The following TCF12 variants were observed in gnomAD, a reference collection of about 807,000 sequenced individuals.
TCF12 encodes DNA-binding protein HTF4.
In TCF12, 45 loss-of-function variants were observed where a neutral mutation model predicts 86.0. The observed-to-expected ratio is 0.52, with a 90% CI of 0.41 to 0.67. The LOEUF (loss-of-function observed/expected upper bound fraction) is 0.67. TCF12 is among the 30% of genes least tolerant of loss of function. The pLI is 0.00. For missense variants in TCF12, 881 were observed against 859.9 expected (o/e 1.02, Z -0.31); for synonymous variants, 330 against 299.6 (o/e 1.10, Z -1.05).
chr15:57,126,751 C>G (rs1299887842), intron 5 of TCF12, among the ~76,000 whole-genome samples: 1 of 152,098 alleles, frequency 6.6e-6, no homozygotes, highest in Non-Finnish European at 1.5e-5. Context: ...CAAAAGGTCA[C>G]AGTGAGGATC....
intron 3 of TCF12, among the ~76,000 whole-genome samples, chr15:57,009,450 T>A (rs1567245461): frequency 6.6e-6 from 1 of 152,136 alleles, no homozygotes; most frequent in African/African-American, 2.4e-5. Flanking sequence ...AGGTGGCTTT[T>A]AAAAAAATCC....
chr15:57,206,100 G>C (rs17820018), intron 8 of TCF12, among the ~76,000 whole-genome samples: 28,393 of 152,186 alleles, frequency 0.19, 3,268 homozygotes, highest in Non-Finnish European at 0.25. Flanking sequence ...GTGCATGTTT[G>C]TAACTCATAT....
chr15:57,216,679 G>A (rs1359431547), intron 8 of TCF12, among the ~76,000 whole-genome samples: 1 of 151,524 alleles, frequency 6.6e-6, no homozygotes, highest in African/African-American at 2.4e-5. Flanking sequence ...AAGAAATTGT[G>A]CTACAGCTGT....
intron 8 of TCF12, among the ~76,000 whole-genome samples, chr15:57,226,763 C>T (rs1394047382): frequency 6.6e-6 from 1 of 152,126 alleles, no homozygotes; most frequent in African/African-American, 2.4e-5. Context: ...TTTATACAAT[C>T]TTAAACTGCC....
chr15:57,083,011 A>G (rs1341266904), intron 4 of TCF12, among the ~76,000 whole-genome samples: 1 of 152,202 alleles, frequency 6.6e-6, no homozygotes, highest in African/African-American at 2.4e-5. Context: ...CGTTGTCAGC[A>G]TACATCAGTC....
intron 6 of TCF12, among the ~76,000 whole-genome samples, chr15:57,183,219 G>A (rs953478152): frequency 2.0e-5 from 3 of 152,138 alleles, no homozygotes; most frequent in African/African-American, 7.2e-5. Context: ...TTCATCAAGA[G>A]TCATCAGTTA....
In TCF12 at chr15:57,031,815, G is replaced by A. The variant is rs189207800; in HGVS notation, c.149-31935G>A. On this transcript the variant is annotated intron_variant, in intron 3 of 20. Transcript: ENST00000333725. ...TTAGAGAGAGTTGAGGTCATCCCTT[G>A]TTATTTTTTCTTTTTCCTTTTCCCC... is the stretch of plus-strand genomic sequence containing the variant. 5.3e-5 allele frequency among the ~76,000 whole-genome samples: 8 copies of A among 152,252 alleles called. No individual in the cohort carries two copies. The East Asian group carries it at 1.5e-3, about 29-fold the overall frequency.
intron 3 of TCF12, among the ~76,000 whole-genome samples, chr15:56,957,359 T>A (rs1228282326): frequency 6.6e-6 from 1 of 152,230 alleles, no homozygotes; most frequent in East Asian, 1.9e-4. Context: ...ATTATATATA[T>A]ATAGAAGAAC....
intron 5 of TCF12, among the ~76,000 whole-genome samples, chr15:57,147,430 G>T (rs1182679169): frequency 6.6e-6 from 1 of 151,926 alleles, no homozygotes; most frequent in African/African-American, 2.4e-5. Flanking sequence ...CAAATAGTTT[G>T]TTTTTTAAAT....
rs72046243 is a variant in TCF12 at position 57,098,009 on chromosome 15, CAAAAA to C, written c.325+6140_325+6144del. Among the ~76,000 whole-genome samples, 18 of 48,414 alleles carry C rather than the reference CAAAAA, an allele frequency of 3.7e-4. No homozygotes were observed. The East Asian group carries it at 4.2e-3, about 11-fold the overall frequency. The allele number at this position is 48,414 out of a possible 152,430, so 31.8% of individuals were successfully genotyped here. ...CATCTCTACTAAAAATACAAAAATACAAAAAAAAAAAAAAAAAAAAAAAAAACCAG... is the reference window on the plus strand; with the variant it reads ...CATCTCTACTAAAAATACAAAAATACAAAAAAAAAAAAAAAAAAAAACCAG... On this transcript the variant is annotated intron_variant, in intron 5 of 20. Coordinates refer to ENST00000333725, the MANE Select transcript of TCF12 (RefSeq NM_207037.2).
rs533315509 is a variant in TCF12 at position 57,267,190 on chromosome 15, G to A, written c.1745+3916G>A. Among the ~76,000 whole-genome samples the A allele has an allele frequency of 3.7e-3, 562 of 152,298 alleles. 3 individuals carry two copies. Among genetic ancestry groups the A allele is most frequent in the South Asian group, 1.0e-2 (48 of 4,824 alleles). On this transcript the variant is annotated intron_variant, in intron 18 of 20. Transcript: ENST00000333725. ...TTGTGTTGAATTATGGTGCAATGAG[G>A]ATGGTAGATAAAACTAAAAGAAGCA... is the stretch of plus-strand genomic sequence containing the variant.
chr15:57,013,000 A>G (rs1378723000), intron 3 of TCF12, among the ~76,000 whole-genome samples: 1 of 151,788 alleles, frequency 6.6e-6, no homozygotes, highest in Admixed American at 6.6e-5. Context: ...ACTTTTAGAA[A>G]TTGTTTTGGG....
intron 11 of TCF12, among the ~76,000 whole-genome samples, chr15:57,233,199 GTC>G (rs368357883): frequency 1.3e-5 from 2 of 151,306 alleles, no homozygotes; most frequent in African/African-American, 2.4e-5. Flanking sequence ...TTGAGACAGA[GTC>G]TCTCTCTCTC....
chr15:57,164,286 G>A (rs561568934), intron 5 of TCF12, among the ~76,000 whole-genome samples: 1 of 152,156 alleles, frequency 6.6e-6, no homozygotes, highest in Non-Finnish European at 1.5e-5. Context: ...GTATTAGTTC[G>A]TTCTCACGCT....
At chr15:56,969,696 C>T (rs2062191037) in intron 3 of TCF12, among the ~76,000 whole-genome samples, 1 of 152,054 alleles carries the variant, frequency 6.6e-6, no homozygotes, top group Admixed American at 6.5e-5. Context: ...AACCACTGCA[C>T]CTCGCCCATT....
chr15:57,112,938 CA>C (rs2050593390), intron 5 of TCF12, among the ~76,000 whole-genome samples: 2 of 152,210 alleles, frequency 1.3e-5, no homozygotes, highest in African/African-American at 4.8e-5. Context: ...TTAACTAAAA[CA>C]TGATTTTCAG....
chr15:57,068,192 A>G lies in TCF12; in HGVS notation c.222+4369A>G, dbSNP rs561311676. Among the ~76,000 whole-genome samples the G allele has an allele frequency of 3.3e-5, 5 of 152,330 alleles. No individual in the cohort carries two copies. In the South Asian group the frequency reaches 1.0e-3, roughly 32 times the overall value. On this transcript the variant is annotated intron_variant, in intron 4 of 20. Transcript: ENST00000333725. ...GTACTTCGGTTTAGTCATCTGTGAA[A>G]TGGGGATAATGATATCTGTTTCATG...
At chr15:56,963,007 C>G (rs2061837316) in intron 3 of TCF12, among the ~76,000 whole-genome samples, 1 of 145,008 alleles carries the variant, frequency 6.9e-6, no homozygotes, top group Non-Finnish European at 1.5e-5. Context: ...TTCTTTGAAG[C>G]AGATTTAATG....
At chr15:57,026,812 A>T (rs1294982658) in intron 3 of TCF12, among the ~76,000 whole-genome samples, 1 of 152,242 alleles carries the variant, frequency 6.6e-6, no homozygotes, top group East Asian at 1.9e-4. Context: ...AGGTAACAAA[A>T]TTTGTGGATG....
Sources: allele counts gnomAD v4.1 joint callset (sites outside exome capture counted in the v4.1 genomes callset), GRCh38; gene constraint gnomAD v4.1.1; transcripts MANE v1.5; gene names NCBI Gene and HGNC (gene_info 2026-07-23, HGNC 2026-07-21).